Variants in SERHL2 observed in about 807,000 individuals in gnomAD.
The protein encoded by SERHL2 is serine hydrolase like 2.
Under a neutral mutation model 25.5 loss-of-function variants are expected in SERHL2, and 29 were observed. The ratio of observed to expected loss-of-function variants is 1.14; its 90% confidence interval spans 0.85 to 1.55. The LOEUF is 1.55. SERHL2 is among the 40% of genes most tolerant of loss of function. SERHL2 has a pLI of 0.00. For synonymous variants in SERHL2, 95 were observed against 103.5 expected, an observed-to-expected ratio of 0.92 and a Z score of 0.50; for missense variants, 240 against 252.3, an observed-to-expected ratio of 0.95 and a Z score of 0.33.
intron 7 of SERHL2, 64 bp from the exon 8 acceptor site, chr22:42,560,122 C>T: frequency 7.7e-7 from 1 of 1,290,340 alleles, no homozygotes; most frequent in Non-Finnish European, 1.1e-6. Flanking sequence ...GCCCTCCTCT[C>T]CTTTTTATCT....
Position 42,572,629 on chromosome 22 carries a change from C to T in SERHL2, c.825+100C>T. ...TGCACTGGGAAGACCCTGGGTCTGC[C>T]CCCAGGCCCAACAAGTGACCACCAG... On this transcript the variant is annotated intron_variant, in intron 11 of 11. Transcript: ENST00000327678. The T allele has an allele frequency of 4.0e-6, 6 of 1,499,234 alleles. No homozygotes were observed. In the South Asian group the frequency reaches 5.2e-5, roughly 13 times the overall value. The allele number at this position is 1,499,234 out of a possible 1,614,324, so 92.9% of individuals were successfully genotyped here. A position where few individuals can be genotyped will look rare whatever the true frequency, so the allele number is the denominator to read the frequency against.
chr22:42,562,566 G>A (rs1055015544), intron 8 of SERHL2, among the ~76,000 whole-genome samples: 1 of 151,686 alleles, frequency 6.6e-6, no homozygotes, highest in Non-Finnish European at 1.5e-5. Flanking sequence ...GGAGGGCAGC[G>A]AGCATTGTTG....
chr22:42,561,498 C>T (rs565837227), intron 8 of SERHL2, among the ~76,000 whole-genome samples: 4 of 149,900 alleles, frequency 2.7e-5, no homozygotes, highest in African/African-American at 9.8e-5. Flanking sequence ...GGGGTGGGGG[C>T]GTGTTGTGGA....
rs771083820 is a variant in SERHL2 at position 42,572,492 on chromosome 22, C to CGTTCAT, written c.790_795dup (p.Phe264_Met265dup). 2 of 1,611,696 alleles carry CGTTCAT rather than the reference C, an allele frequency of 1.2e-6. No individual in the cohort carries two copies. Among genetic ancestry groups the CGTTCAT allele is most frequent in the African/African-American group, 2.7e-5 (2 of 74,932 alleles). On this transcript the variant is annotated inframe_insertion, in exon 11 of 12. Transcript: ENST00000327678. Reference sequence around the variant, plus strand: ...AATTACTCTGAGAAGGAGTCCCTGTCGTTCATGATAGACACGATGAAATCC... The same window carrying CGTTCAT: ...AATTACTCTGAGAAGGAGTCCCTGTCGTTCATGTTCATGATAGACACGATGAAATCC...
chr22:42,554,796 C>T (rs1922023176), intron 1 of SERHL2, 142 bp from the exon 2 acceptor site: 1 of 630,188 alleles, frequency 1.6e-6, no homozygotes, highest in Admixed American at 2.9e-5. Context: ...CTCCCCATAA[C>T]CTTCTGGGGC....
chr22:42,559,775 C>G (rs1922442679), intron 7 of SERHL2, among the ~76,000 whole-genome samples: 1 of 151,794 alleles, frequency 6.6e-6, no homozygotes, highest in Non-Finnish European at 1.5e-5. Context: ...TGTGGGTGAC[C>G]TCCCTTTTGC....
intron 8 of SERHL2, among the ~76,000 whole-genome samples, chr22:42,561,718 G>A (rs1292729652): frequency 2.6e-5 from 4 of 151,836 alleles, no homozygotes; most frequent in South Asian, 2.1e-4. Context: ...AGCATCCCCC[G>A]AGGGTCTAAG....
intron 9 of SERHL2, among the ~76,000 whole-genome samples, chr22:42,567,791 C>T (rs1193090603): frequency 2.0e-5 from 3 of 151,458 alleles, no homozygotes; most frequent in African/African-American, 4.8e-5. Context: ...AGTGCAATGG[C>T]ACTATCTCAG....
intron 7 of SERHL2, among the ~76,000 whole-genome samples, chr22:42,559,212 T>C (rs367854548): frequency 1.6e-4 from 11 of 68,066 alleles, no homozygotes; most frequent in East Asian, 1.8e-3. Flanking sequence ...CTGAGCGAGA[T>C]AGCGAGACCC....
At chr22:42,571,019 G>C (rs1338184836) in intron 9 of SERHL2, 102 bp from the exon 10 acceptor site, 2 of 1,565,288 alleles carry the variant, frequency 1.3e-6, no homozygotes, top group Non-Finnish European at 1.7e-6. Context: ...GGTGGCTAAG[G>C]TGCCCTCGCC....
rs769032181 is a variant in SERHL2 at position 42,572,625 on chromosome 22, C to CT, written c.825+97dup. On this transcript the variant is annotated intron_variant, in intron 11 of 11. Coordinates refer to ENST00000327678, the MANE Select transcript of SERHL2 (RefSeq NM_014509.5). ...CTCATGCACTGGGAAGACCCTGGGT[C>CT]TGCCCCCAGGCCCAACAAGTGACCA... 6.1e-5 allele frequency: 93 copies of CT among 1,514,772 alleles called. 1 individual carries two copies. Among genetic ancestry groups the CT allele is most frequent in the Non-Finnish European group, 8.2e-5 (92 of 1,126,028 alleles). The allele number at this position is 1,514,772 out of a possible 1,614,324, so 93.8% of individuals were successfully genotyped here. A position where few individuals can be genotyped will look rare whatever the true frequency, so the allele number is the denominator to read the frequency against.
intron 9 of SERHL2, 42 bp from the exon 10 acceptor site, chr22:42,571,079 T>G (rs1266331384): frequency 3.1e-6 from 5 of 1,612,536 alleles, no homozygotes; most frequent in Middle Eastern, 1.7e-4. Flanking sequence ...CGAGAGTGCC[T>G]GTGCCTTGTG....
intron 8 of SERHL2, among the ~76,000 whole-genome samples, chr22:42,560,605 G>A (rs943175875): frequency 1.3e-5 from 2 of 152,118 alleles, no homozygotes; most frequent in East Asian, 1.9e-4. Context: ...CTGTGAGGAC[G>A]TCCCAGGGGC....
At chr22:42,567,395 T>A (rs1163751923) in intron 9 of SERHL2, among the ~76,000 whole-genome samples, 4 of 151,950 alleles carry the variant, frequency 2.6e-5, no homozygotes, top group African/African-American at 4.8e-5. Context: ...CCGGGCGCGG[T>A]GGCTCACGCC....
At position 42,567,293 on chromosome 22, in the gene SERHL2, C is replaced by T. The variant is rs1390603933; in HGVS notation, c.648+955C>T. ...AATGTTAACGTGTTTGTCTTTGATC[C>T]GTGTGGGATTTGTTCTTGAGCATGG... On this transcript the variant is annotated intron_variant, in intron 9 of 11. Transcript: ENST00000327678. Among the ~76,000 whole-genome samples the T allele has an allele frequency of 5.3e-5, 8 of 152,082 alleles. No individual in the cohort carries two copies. The East Asian group carries it at 7.7e-4, about 15-fold the overall frequency.
Position 42,566,304 on chromosome 22 carries a change from G to A in SERHL2, c.614G>A (p.Gly205Asp), listed in dbSNP as rs763405033. The change falls in exon 9 of 12, where the codon GGT (glycine) becomes GAT (aspartate). Residue 205 changes from glycine to aspartate, a missense_variant and splice_region_variant. Coordinates refer to ENST00000327678, the MANE Select transcript of SERHL2 (RefSeq NM_014509.5). ...LQRGTTKVAT[G>D]LVLNRDQRLA... ...GCTGTCTTTGTGCTTCCGCCTCCAG[G>A]TCTGGTTCTGAACAGAGACCAGAGG... 3.7e-6 allele frequency: 6 copies of A among 1,611,898 alleles called. No homozygotes were observed. The highest frequency in any genetic ancestry group is 5.1e-6 in the Non-Finnish European group (6 of 1,179,124).
At position 42,554,131 on chromosome 22, in the gene SERHL2, C is replaced by T. The variant is rs577595983; in HGVS notation, c.22+89C>T. ...AGGGCGGGATGGAGTGGAGGGTTCG[C>T]CGACCGCGTCGCCCTCCTGGGTGTC... On this transcript the variant is annotated intron_variant, in intron 1 of 11. Coordinates refer to ENST00000327678, the MANE Select transcript of SERHL2 (RefSeq NM_014509.5). The T allele has an allele frequency of 2.9e-5, 42 of 1,471,892 alleles. 1 individual carries two copies. Among genetic ancestry groups the T allele is most frequent in the Middle Eastern group, 3.8e-4 (2 of 5,330 alleles). The allele number at this position is 1,471,892 out of a possible 1,614,324, so 91.2% of individuals were successfully genotyped here.
At chr22:42,573,147 T>C (rs1007065694) in intron 11 of SERHL2, 1 of 151,796 alleles carries the variant, frequency 6.6e-6, no homozygotes, top group Non-Finnish European at 1.5e-5. Context: ...CTGGGGCCTC[T>C]GCAGGTTTCT....
intron 9 of SERHL2, among the ~76,000 whole-genome samples, chr22:42,567,170 G>GT (rs1923501372): frequency 6.6e-6 from 1 of 152,086 alleles, no homozygotes. Flanking sequence ...GTCATTAGAG[G>GT]TGGGGACGCT....
Sources: allele counts gnomAD v4.1 joint callset (sites outside exome capture counted in the v4.1 genomes callset), GRCh38; gene constraint gnomAD v4.1.1; transcripts MANE v1.5; gene names NCBI Gene and HGNC (gene_info 2026-07-23, HGNC 2026-07-21).